Variants in TNK2 observed in about 807,000 individuals in gnomAD.
TNK2 encodes tyrosine kinase non receptor 2.
A neutral mutation model predicts 101.8 loss-of-function variants in TNK2; 83 were observed. That is an observed-to-expected ratio of 0.82 (90% CI 0.68 to 0.98). The LOEUF (loss-of-function observed/expected upper bound fraction) is 0.98. Ranked by LOEUF, TNK2 falls within the 50% of genes least tolerant of loss-of-function variation. The probability of loss-of-function intolerance (pLI) is 0.00; values close to 1 mark genes in which losing one functional copy is unlikely to be tolerated. For synonymous variants in TNK2, 804 were observed against 633.0 expected, an observed-to-expected ratio of 1.27 and a Z score of -4.06; for missense variants, 1,665 against 1,483.2, an observed-to-expected ratio of 1.12 and a Z score of -2.01.
At position 195,868,648 on chromosome 3, in the gene TNK2, C is replaced by G; in HGVS notation, c.1650G>C (p.Leu550=). Residue 550 remains leucine, a synonymous_variant, in exon 13 of 16, where the codon CTG becomes CTC. Transcript: ENST00000672887. The part of the protein sequence containing the change: ...QDPLSSDFKR[L]GLRKPGLPRG... ...GGGGCAGGCCTGGCTTCCGCAGGCC[C>G]AGCCTCTTGAAGTCGCTGGACAAGG... The G allele has an allele frequency of 1.9e-6, 3 of 1,594,382 alleles. No homozygotes were observed. The highest frequency in any genetic ancestry group is 2.5e-6 in the Non-Finnish European group (3 of 1,178,080).
At chr3:195,884,700 C>A in intron 4 of TNK2, 112 bp downstream of exon 4, 1 of 953,810 alleles carries the variant, frequency 1.0e-6, no homozygotes, top group Non-Finnish European at 1.5e-6. Context: ...CTGGGATGAG[C>A]CACACTGTGA....
At chr3:195,874,078 G>A (rs1305715492) in intron 9 of TNK2, among the ~76,000 whole-genome samples, 1 of 152,348 alleles carries the variant, frequency 6.6e-6, no homozygotes, top group South Asian at 2.1e-4. Flanking sequence ...CCGTAGAGGA[G>A]GAACCCCGGC....
intron 1 of TNK2, among the ~76,000 whole-genome samples, chr3:195,889,687 G>A (rs973352068): frequency 2.6e-5 from 4 of 151,994 alleles, no homozygotes; most frequent in African/African-American, 7.3e-5. Context: ...CAGTGGTACC[G>A]GAGAGTGACC....
chr3:195,867,294 T>C (rs754291746), intron 13 of TNK2, 30 bp from the exon 14 acceptor site: 13 of 1,611,714 alleles, frequency 8.1e-6, no homozygotes, highest in Non-Finnish European at 1.1e-5. Flanking sequence ...TCAGCACCAC[T>C]AGGGCCCACT....
intron 9 of TNK2, among the ~76,000 whole-genome samples, chr3:195,873,265 T>TGGGCAG (rs367947707): frequency 1.4e-3 from 208 of 152,082 alleles, no homozygotes; most frequent in Admixed American, 3.8e-3. Context: ...AGCCGGGGCC[T>TGGGCAG]GGGCAGGGGC....
Position 195,869,499 on chromosome 3 carries a change from T to C in TNK2, c.1586A>G (p.Gln529Arg). Residue 529 changes from glutamine (Q) to arginine (R), a missense_variant and splice_region_variant, in exon 12 of 16, where the codon CAG becomes CGG. Gln to Arg is a conservative substitution (Grantham distance 43, BLOSUM62 1). Around this residue, in one of 3 missense-constraint regions of TNK2, gnomAD observed 1,136 missense variants for 894.9 expected, o/e 1.27. Transcript: ENST00000672887. ...PRPPQPAFFT[Q>R]KPTYDPVSED... Reference sequence around the variant, plus strand: ...GCATCGGAAGCAGCCCCACTTACTCTGAGTGAAGAAGGCAGGCTGAGGTGG... The same window carrying C: ...GCATCGGAAGCAGCCCCACTTACTCCGAGTGAAGAAGGCAGGCTGAGGTGG... 6.4e-7 allele frequency: 1 copy of C among 1,550,506 alleles called. No homozygotes were observed. The highest frequency in any genetic ancestry group is 8.7e-7 in the Non-Finnish European group (1 of 1,146,862).
intron 1 of TNK2, chr3:195,895,606 C>G: frequency 7.7e-7 from 1 of 1,300,412 alleles, no homozygotes; most frequent in Non-Finnish European, 9.7e-7. Flanking sequence ...CTGTGCCAGC[C>G]CCGGGCTGAC....
intron 2 of TNK2, 88 bp from the exon 3 acceptor site, chr3:195,887,135 G>C: frequency 7.5e-7 from 1 of 1,333,608 alleles, no homozygotes; most frequent in Non-Finnish European, 1.1e-6. Flanking sequence ...GGGTGAGCCT[G>C]TCACTAGACA....
Position 195,872,412 on chromosome 3 carries a change from G to T in TNK2, c.1315C>A (p.Pro439Thr). ...NTRTLCVGPF[P>T]RNVVTSVAGL... is the part of the protein sequence containing the mutation. ...GCCACGGAGGTCACCACGTTGCGAG[G>T]GAAGGGCCCCACACACAGCGTCCGT... Residue 439 changes from proline to threonine, a missense_variant, in exon 10 of 16, where the codon CCT (proline) becomes ACT (threonine). This residue lies in a region of TNK2 where 1,136 missense variants were observed against 894.9 expected (regional missense o/e 1.27). Transcript: ENST00000672887. The T allele has an allele frequency of 6.2e-7, 1 of 1,613,046 alleles. No individual in the cohort carries two copies. The highest frequency in any genetic ancestry group is 8.5e-7 in the Non-Finnish European group (1 of 1,179,726).
In TNK2 at chr3:195,882,545, A is replaced by C. The variant is rs978737512; in HGVS notation, c.610-217T>G. The C allele has an allele frequency of 4.6e-6, 7 of 1,527,864 alleles. No homozygotes were observed. Among genetic ancestry groups the C allele is most frequent in the Non-Finnish European group, 5.3e-6 (6 of 1,142,114 alleles). The allele number at this position is 1,527,864 out of a possible 1,614,324, so 94.6% of individuals were successfully genotyped here. ...ACTGATGCCTAGAGAGAAGGAGCCC[A>C]AAGAGGCAGTGGCTAGAAATTCCAA... On this transcript the variant is annotated intron_variant, in intron 5 of 15. Transcript: ENST00000672887. The surrounding 1 kb of genome is among the most constrained non-coding windows in gnomAD (Gnocchi z 4.2).
rs1246390924 is a variant in TNK2 at position 195,882,268 on chromosome 3, A to T, written c.670T>A (p.Phe224Ile). The T allele has an allele frequency of 1.2e-6, 2 of 1,613,630 alleles. No homozygotes were observed. The highest frequency in any genetic ancestry group is 3.3e-5 in the Admixed American group (2 of 60,014). The change falls in exon 6 of 16, where the codon TTC becomes ATC. Residue 224 changes from phenylalanine to isoleucine, a missense_variant. Around this residue, in one of 3 missense-constraint regions of TNK2, gnomAD observed 490 missense variants for 522.5 expected, o/e 0.94. Transcript: ENST00000672887. This position sits in a 1 kb window ranked among gnomAD's most constrained non-coding sequence, Gnocchi z 4.2. ...LDRLRKHQGH[F>I]LLGTLSRYAV... ...TAGCGGCTCAGAGTCCCCAGGAGGA[A>T]GTGGCCCTGGTGCTTACGTAGCCGG...
chr3:195,864,430 C>T (rs1739174025), intron 15 of TNK2, among the ~76,000 whole-genome samples: 1 of 152,008 alleles, frequency 6.6e-6, no homozygotes, highest in Non-Finnish European at 1.5e-5. Flanking sequence ...GAGCCCAAAG[C>T]CTATGTGGAT....
chr3:195,868,882 C>T (rs1016576227), intron 12 of TNK2, 173 bp from the exon 13 acceptor site: 15 of 710,736 alleles, frequency 2.1e-5, no homozygotes, highest in Admixed American at 3.4e-5. Context: ...CACCTCCGAC[C>T]ACTCCATCAG....
At chr3:195,867,113 A>G in intron 14 of TNK2, 56 bp downstream of exon 14, 1 of 1,608,130 alleles carries the variant, frequency 6.2e-7, no homozygotes, top group Non-Finnish European at 8.5e-7. Context: ...GGCTGGGGGC[A>G]GCAGAACCAG....
At chr3:195,865,904 C>T (rs1455493354) in intron 15 of TNK2, among the ~76,000 whole-genome samples, 4 of 152,210 alleles carry the variant, frequency 2.6e-5, no homozygotes, top group East Asian at 1.9e-4. Flanking sequence ...ATTATCTACA[C>T]GCTTTATATG....
At chr3:195,870,041 T>C in intron 11 of TNK2, 73 bp downstream of exon 11, 2 of 1,146,376 alleles carry the variant, frequency 1.7e-6, no homozygotes, top group Non-Finnish European at 2.4e-6. Context: ...AGCCTTAGGG[T>C]GGCCTGTGAA....
At chr3:195,903,487 C>T (rs149214349) in intron 1 of TNK2, among the ~76,000 whole-genome samples, 27 of 152,192 alleles carry the variant, frequency 1.8e-4, no homozygotes, top group African/African-American at 5.3e-4. Context: ...CAGGCCGAGG[C>T]GGGCAGGTCA....
At chr3:195,906,806 T>C (rs982420620) in intron 1 of TNK2, among the ~76,000 whole-genome samples, 2 of 152,190 alleles carry the variant, frequency 1.3e-5, no homozygotes, top group Non-Finnish European at 2.9e-5. Context: ...CTGCATCTTC[T>C]AGACGAAGCA....
At chr3:195,887,856 CTGTGTGCGCAGGCG>C (rs1756581135) in intron 2 of TNK2, among the ~76,000 whole-genome samples, 2 of 130,088 alleles carry the variant, frequency 1.5e-5, no homozygotes, top group African/African-American at 6.1e-5. Flanking sequence ...GTGTGCGTGT[CTGTGTGCGCAGGCG>C]TGTGAGCGCG....
Sources: allele counts gnomAD v4.1 joint callset (sites outside exome capture counted in the v4.1 genomes callset), GRCh38; gene constraint gnomAD v4.1.1; regional missense constraint gnomAD v4.1.1; non-coding constraint Gnocchi (gnomAD v3.1); transcripts MANE v1.5; gene names NCBI Gene and HGNC (gene_info 2026-07-23, HGNC 2026-07-21).